The following NAA11 variants were observed in gnomAD, a reference collection of about 807,000 sequenced individuals.
The protein encoded by NAA11 is N-alpha-acetyltransferase 11.
A neutral mutation model predicts 16.1 loss-of-function variants in NAA11; 15 were observed. That is an observed-to-expected ratio of 0.93 (90% CI 0.62 to 1.44). The LOEUF (loss-of-function observed/expected upper bound fraction) is 1.44, where lower values mean the gene tolerates loss of function less well. Among genes scored for constraint, NAA11 ranks in the 40% most tolerant of loss-of-function variants. The pLI, the probability that NAA11 is intolerant of heterozygous loss-of-function variation, is 0.00. For missense variants in NAA11, 298 were observed against 291.3 expected (o/e 1.02, Z -0.17); for synonymous variants, 122 against 112.4 (o/e 1.09, Z -0.54).
At chr4:79,165,803 TG>T in the NAA11 span, among the ~76,000 whole-genome samples, 1 of 152,220 alleles carries the variant, frequency 6.6e-6, no homozygotes, top group Admixed American at 6.5e-5. Context: ...TAGATTGACT[TG>T]GCTGTGATTT....
the NAA11 span, among the ~76,000 whole-genome samples, chr4:79,208,377 C>T: frequency 6.6e-6 from 1 of 152,256 alleles, no homozygotes; most frequent in African/African-American, 2.4e-5. Context: ...TAGGGTGCAA[C>T]ATAGTTATAA....
At chr4:79,257,833 C>T (rs1722155364) in intron 2 of NAA11, among the ~76,000 whole-genome samples, 1 of 152,022 alleles carries the variant, frequency 6.6e-6, no homozygotes, top group African/African-American at 2.4e-5. Flanking sequence ...ATTTTATTGC[C>T]TGAAGGATGT....
chr4:79,257,092 T>C (rs970256490), intron 2 of NAA11, among the ~76,000 whole-genome samples: 2 of 152,254 alleles, frequency 1.3e-5, no homozygotes, highest in African/African-American at 4.8e-5. Flanking sequence ...AATATTTTCT[T>C]TATTTTTATT....
intron 2 of NAA11, among the ~76,000 whole-genome samples, chr4:79,228,883 G>A (rs1458440341): frequency 1.3e-5 from 2 of 151,834 alleles, no homozygotes; most frequent in East Asian, 1.9e-4. Context: ...TGTGAAAAAC[G>A]ACCAAACTGT....
the NAA11 span, among the ~76,000 whole-genome samples, chr4:79,157,825 A>C: frequency 1.3e-5 from 2 of 152,166 alleles, no homozygotes; most frequent in Non-Finnish European, 2.9e-5. Flanking sequence ...TAGCCAGAGC[A>C]ATCACACAAG....
the NAA11 span, among the ~76,000 whole-genome samples, chr4:79,159,168 A>G: frequency 6.6e-6 from 1 of 152,160 alleles, no homozygotes; most frequent in Non-Finnish European, 1.5e-5. Flanking sequence ...GAGTGGGAGA[A>G]GATCTTTGCA....
chr4:79,264,148 C>T (rs987106488), intron 2 of NAA11, among the ~76,000 whole-genome samples: 1 of 152,156 alleles, frequency 6.6e-6, no homozygotes, highest in East Asian at 1.9e-4. Flanking sequence ...AACCATGAAC[C>T]ATTGTTGGTC....
chr4:79,262,078 G>C lies in NAA11; in HGVS notation c.*122+31927C>G, dbSNP rs112859968. ...AATGGTGTGGACTGAAAGTTTGTGG[G>C]AATAAAGTGGTCAATGGATTCGTAC... On this transcript the variant is annotated intron_variant and NMD_transcript_variant, in intron 2 of 2. Transcript: ENST00000511542. Among the ~76,000 whole-genome samples, 27 of 152,170 alleles carry C rather than the reference G, an allele frequency of 1.8e-4. 1 individual carries two copies. The highest frequency in any genetic ancestry group is 6.5e-4 in the African/African-American group (27 of 41,530).
chr4:79,303,072 CCTTT>C lies in NAA11; in HGVS notation c.*13-8962_*13-8959del, dbSNP rs1177864097. Among the ~76,000 whole-genome samples the C allele has an allele frequency of 2.4e-3, 210 of 88,942 alleles. 6 individuals carry two copies. Among genetic ancestry groups the C allele is most frequent in the African/African-American group, 8.8e-3 (193 of 21,878 alleles). 58.3% of individuals were successfully genotyped at this position (88,942 alleles called of 152,430 possible). A position where few individuals can be genotyped will look rare whatever the true frequency, so the allele number is the denominator to read the frequency against. Reference sequence around the variant, plus strand: ...CCTTTTCATTCCTGTTCTCTTGAGGCCTTTTATATATATATATATATATATATAT... The same window carrying C: ...CCTTTTCATTCCTGTTCTCTTGAGGCTATATATATATATATATATATATAT... On this transcript the variant is annotated intron_variant and NMD_transcript_variant, in intron 1 of 2. Transcript: ENST00000511542.
the NAA11 span, among the ~76,000 whole-genome samples, chr4:79,162,250 T>C: frequency 3.9e-5 from 6 of 152,288 alleles, no homozygotes; most frequent in Non-Finnish European, 8.8e-5. Flanking sequence ...TTCCAAAAGC[T>C]TCTAGGTTGG....
Position 79,317,473 on chromosome 4 carries a change from A to C in NAA11, c.*331T>G, listed in dbSNP as rs896087686. ...CCTGCTTCCTGTTCATCATTCTAAA[A>C]GGAGAAAAACTTGCAGGATAACCAC... On this transcript the variant is annotated 3_prime_UTR_variant, in exon 2 of 2. Transcript: ENST00000286794. 6 of 152,240 alleles carry C rather than the reference A, an allele frequency of 3.9e-5. No homozygotes were observed. The highest frequency in any genetic ancestry group is 1.4e-4 in the African/African-American group (6 of 41,442). The allele number at this position is 152,240 out of a possible 1,614,324, so 9.4% of individuals were successfully genotyped here.
chr4:79,243,474 T>G (rs1721739030), intron 2 of NAA11, among the ~76,000 whole-genome samples: 1 of 152,244 alleles, frequency 6.6e-6, no homozygotes, highest in African/African-American at 2.4e-5. Context: ...TTTTTTGAAC[T>G]TGCATGTTCT....
intron 1 of NAA11, among the ~76,000 whole-genome samples, chr4:79,320,340 A>G (rs1724055149): frequency 6.6e-6 from 1 of 152,228 alleles, no homozygotes. Flanking sequence ...AGAAGAAGAG[A>G]ACCTGAAAAG....
At chr4:79,174,361 G>C in the NAA11 span, among the ~76,000 whole-genome samples, 1 of 152,116 alleles carries the variant, frequency 6.6e-6, no homozygotes, top group Non-Finnish European at 1.5e-5. Context: ...CAAAGTGAGA[G>C]GGGGGTGGGA....
chr4:79,155,557 C>T, the NAA11 span, among the ~76,000 whole-genome samples: 1 of 152,152 alleles, frequency 6.6e-6, no homozygotes, highest in East Asian at 1.9e-4. Flanking sequence ...ATCTCATTTG[C>T]ATCAACTGCC....
rs549108031 is a variant in NAA11 at position 79,320,028 on chromosome 4, T to C, written c.*13-2237A>G. ...ACTTAACTCAATGTTGCCAGCTCAATTGAAAACACTAAGATTTTGCATTTT... is the reference window on the plus strand; with the variant it reads ...ACTTAACTCAATGTTGCCAGCTCAACTGAAAACACTAAGATTTTGCATTTT... On this transcript the variant is annotated intron_variant, in intron 1 of 1. Coordinates refer to ENST00000286794, the MANE Select transcript of NAA11 (RefSeq NM_032693.3). Among the ~76,000 whole-genome samples the C allele has an allele frequency of 2.3e-4, 35 of 152,332 alleles. No homozygotes were observed. The East Asian group carries it at 5.0e-3, about 22-fold the overall frequency.
At chr4:79,167,132 TTATATATA>T in the NAA11 span, among the ~76,000 whole-genome samples, 8 of 17,298 alleles carry the variant, frequency 4.6e-4, 2 homozygotes, top group African/African-American at 1.3e-3. Context: ...ACAGCTTATT[TTATATATA>T]TATATATATA....
downstream of NAA11, chr4:79,316,579 T>C (rs1406477543): frequency 4.6e-5 from 7 of 152,182 alleles, no homozygotes; most frequent in South Asian, 1.4e-3. Flanking sequence ...AGTTTAAACA[T>C]GAAAAATGTT....
chr4:79,273,957 G>A (rs1578173825), intron 2 of NAA11, among the ~76,000 whole-genome samples: 1 of 152,006 alleles, frequency 6.6e-6, no homozygotes, highest in Non-Finnish European at 1.5e-5. Context: ...CCACCAAGAA[G>A]CCAGAGCTTG....
Sources: gnomAD v4.1 joint callset for allele counts (sites outside exome capture counted in the v4.1 genomes callset) on GRCh38, gnomAD v4.1.1 for gene constraint, MANE v1.5 for transcripts, NCBI Gene and HGNC (gene_info 2026-07-23, HGNC 2026-07-21) for gene names.